IFIT2: variants seen among roughly 807,000 people sequenced by gnomAD.
The protein encoded by IFIT2 is interferon-induced protein with tetratricopeptide repeats 2.
A neutral mutation model predicts 2.5 loss-of-function variants in IFIT2; 3 were observed. That is an observed-to-expected ratio of 1.21 (90% confidence interval 0.55 to 3.14). The LOEUF (loss-of-function observed/expected upper bound fraction) is 3.14, where lower values mean the gene tolerates loss of function less well. Ranked by LOEUF, IFIT2 falls within the 30% of genes most tolerant of loss-of-function variation. The pLI is 0.03. For missense variants in IFIT2, 493 were observed against 558.9 expected, an observed-to-expected ratio of 0.88 and a Z score of 1.19; for synonymous variants, 212 against 200.7, an observed-to-expected ratio of 1.06 and a Z score of -0.48.
intron 1 of IFIT2, among the ~76,000 whole-genome samples, chr10:89,302,888 C>T (rs1053866040): frequency 6.6e-6 from 1 of 152,030 alleles, no homozygotes; most frequent in Admixed American, 6.6e-5. Context: ...CTCTGGAATC[C>T]CGTGTTACCA....
At chr10:89,304,328 G>A (rs902777524) in intron 1 of IFIT2, among the ~76,000 whole-genome samples, 7 of 152,066 alleles carry the variant, frequency 4.6e-5, no homozygotes, top group African/African-American at 7.2e-5. Context: ...ATGCATTCCC[G>A]TTGAAAAGCT....
Position 89,308,582 on chromosome 10 carries a change from T to A in IFIT2, c.*1207T>A, listed in dbSNP as rs2133524190. On this transcript the variant is annotated 3_prime_UTR_variant, in exon 2 of 2. Coordinates refer to ENST00000371826, the MANE Select transcript of IFIT2 (RefSeq NM_001547.5). ...CGGTATGCTTGGAACGATTGAGATT[T>A]TCTAGGTAGATGCTGAATAGCCTAG... is the stretch of plus-strand genomic sequence containing the variant. 1 of 152,336 alleles carries A rather than the reference T, an allele frequency of 6.6e-6. No individual in the cohort carries two copies. Among genetic ancestry groups the A allele is most frequent in the African/African-American group, 2.4e-5 (1 of 41,574 alleles). The allele number at this position is 152,336 out of a possible 1,614,324, so 9.4% of individuals were successfully genotyped here.
At chr10:89,303,009 CAA>C (rs11420925) in intron 1 of IFIT2, among the ~76,000 whole-genome samples, 40 of 132,112 alleles carry the variant, frequency 3.0e-4, no homozygotes, top group Middle Eastern at 3.8e-3. Flanking sequence ...TGCCTGATTT[CAA>C]AAAAAAAAAA....
intron 1 of IFIT2, among the ~76,000 whole-genome samples, chr10:89,302,683 G>C (rs1159474821): frequency 6.6e-6 from 1 of 152,136 alleles, no homozygotes. Context: ...ACCCCAAAAT[G>C]CCTCCTGAGT....
At chr10:89,305,454 A>C (rs1012202628) in intron 1 of IFIT2, among the ~76,000 whole-genome samples, 2 of 152,206 alleles carry the variant, frequency 1.3e-5, no homozygotes, top group African/African-American at 4.8e-5. Flanking sequence ...GGAATTAAGA[A>C]TATCAAAGAT....
chr10:89,307,408 C>G lies in IFIT2; in HGVS notation c.*33C>G, dbSNP rs200809128. Reference sequence around the variant, plus strand: ...AGATGTGGTGCCCACTAGGCTACTGCTGAAAGGGAGCTGAAATTCCTCCAC... The same window carrying G: ...AGATGTGGTGCCCACTAGGCTACTGGTGAAAGGGAGCTGAAATTCCTCCAC... On this transcript the variant is annotated 3_prime_UTR_variant, in exon 2 of 2. Transcript: ENST00000371826. The G allele has an allele frequency of 6.6e-7, 1 of 1,510,102 alleles. No individual in the cohort carries two copies. The highest frequency in any genetic ancestry group is 2.1e-5 in the Admixed American group (1 of 47,166). The allele number at this position is 1,510,102 out of a possible 1,614,324, so 93.5% of individuals were successfully genotyped here.
chr10:89,303,315 G>A (rs969773039), intron 1 of IFIT2, among the ~76,000 whole-genome samples: 2 of 152,224 alleles, frequency 1.3e-5, no homozygotes, highest in Non-Finnish European at 2.9e-5. Flanking sequence ...CATTAAGTGG[G>A]TCTGGGTTAG....
At position 89,308,268 on chromosome 10, in the gene IFIT2, T is replaced by C. The variant is rs147170118; in HGVS notation, c.*893T>C. 2.4e-4 allele frequency: 37 copies of C among 152,258 alleles called. 1 individual carries two copies. In the East Asian group the frequency reaches 6.0e-3, roughly 25 times the overall value. 9.4% of individuals were successfully genotyped at this position (152,258 alleles called of 1,614,324 possible). ...AGAAAGGAATGCTGGTTTATCTTTGTAGATTGTAATCGAATGGAGAAATTT... is the reference window on the plus strand; with the variant it reads ...AGAAAGGAATGCTGGTTTATCTTTGCAGATTGTAATCGAATGGAGAAATTT... On this transcript the variant is annotated 3_prime_UTR_variant, in exon 2 of 2. Transcript: ENST00000371826.
Position 89,308,299 on chromosome 10 carries a change from A to C in IFIT2, c.*924A>C, listed in dbSNP as rs1843495952. The stretch of plus-strand genomic sequence containing the variant: ...GTAATCGAATGGAGAAATTTGCAGT[A>C]TTTTAGCCACTATTAGGAATTTTTT... On this transcript the variant is annotated 3_prime_UTR_variant, in exon 2 of 2. Coordinates refer to ENST00000371826, the MANE Select transcript of IFIT2 (RefSeq NM_001547.5). 1 of 152,168 alleles carries C rather than the reference A, an allele frequency of 6.6e-6. No homozygotes were observed. The highest frequency in any genetic ancestry group is 2.4e-5 in the African/African-American group (1 of 41,436). 9.4% of individuals were successfully genotyped at this position (152,168 alleles called of 1,614,324 possible).
intron 1 of IFIT2, among the ~76,000 whole-genome samples, chr10:89,302,921 A>G (rs1457236516): frequency 2.0e-5 from 3 of 151,800 alleles, no homozygotes; most frequent in Non-Finnish European, 4.4e-5. Flanking sequence ...ACTTCCTATG[A>G]GACACCTTGC....
In IFIT2 at chr10:89,307,248, A is replaced by G; in HGVS notation, c.1292A>G (p.Glu431Gly). ...MRLSKNGADS[E>G]ALHVLAFLQE... Reference sequence around the variant, plus strand: ...CTTTCTAAAAATGGAGCAGATTCTGAGGCTTTGCATGTCTTGGCATTCCTT... The same window carrying G: ...CTTTCTAAAAATGGAGCAGATTCTGGGGCTTTGCATGTCTTGGCATTCCTT... The change falls in exon 2 of 2, where the codon GAG (glutamate) becomes GGG (glycine). Residue 431 changes from glutamate (E) to glycine (G), a missense_variant. Glu to Gly is a moderately conservative substitution (Grantham distance 98). Coordinates refer to ENST00000371826, the MANE Select transcript of IFIT2 (RefSeq NM_001547.5). 1 of 1,614,096 alleles carries G rather than the reference A, an allele frequency of 6.2e-7. No individual in the cohort carries two copies. Among genetic ancestry groups the G allele is most frequent in the Middle Eastern group, 1.6e-4 (1 of 6,062 alleles).
Position 89,306,245 on chromosome 10 carries a change from T to G in IFIT2, c.289T>G (p.Trp97Gly), listed in dbSNP as rs1490935213. ...GGCAGAAATCAGAAGTCTGGTCACC[T>G]GGGGAAACTATGCCTGGGTCTACTA... ...DQAEIRSLVT[W>G]GNYAWVYYHM... is the part of the protein sequence containing the mutation. The change falls in exon 2 of 2, where the codon TGG (tryptophan) becomes GGG (glycine). Residue 97 changes from tryptophan (W) to glycine (G), a missense_variant. Physicochemically the swap from Trp to Gly is radical, Grantham distance 184. Transcript: ENST00000371826. 6.2e-7 allele frequency: 1 copy of G among 1,614,126 alleles called. No individual in the cohort carries two copies.
At chr10:89,305,248 T>C (rs7923948) in intron 1 of IFIT2, among the ~76,000 whole-genome samples, 4,179 of 151,922 alleles carry the variant, frequency 0.028, 215 homozygotes, top group African/African-American at 0.095. Flanking sequence ...ATTCAAATGG[T>C]TAAAATGGAA....
chr10:89,306,834 C>A lies in IFIT2; in HGVS notation c.878C>A (p.Ala293Glu). ...TGCCAAATTGGGTGCTGCTATAGGG[C>A]AAAAGTCTTCCAAGTAATGAATCTA... ...LHCQIGCCYR[A>E]KVFQVMNLRE... Residue 293 changes from alanine to glutamate, a missense_variant, in exon 2 of 2, where the codon GCA becomes GAA. Ala to Glu is a moderately radical substitution (Grantham distance 107, BLOSUM62 -1). Transcript: ENST00000371826. The A allele has an allele frequency of 6.2e-7, 1 of 1,614,006 alleles. No individual in the cohort carries two copies. Among genetic ancestry groups the A allele is most frequent in the South Asian group, 1.1e-5 (1 of 91,076 alleles).
In IFIT2 at chr10:89,307,328, G is replaced by C. The variant is rs1372316957; in HGVS notation, c.1372G>C (p.Glu458Gln). ...QADEDSERGL[E>Q]SGSLIPSASS... ...AGATGAAGACTCTGAGAGGGGTTTGGAGTCTGGAAGCCTCATCCCTTCAGC... is the reference window on the plus strand; with the variant it reads ...AGATGAAGACTCTGAGAGGGGTTTGCAGTCTGGAAGCCTCATCCCTTCAGC... Residue 458 changes from glutamate (E) to glutamine (Q), a missense_variant, in exon 2 of 2, where the codon GAG (glutamate) becomes CAG (glutamine). Coordinates refer to ENST00000371826, the MANE Select transcript of IFIT2 (RefSeq NM_001547.5). 1.2e-6 allele frequency: 2 copies of C among 1,612,374 alleles called. No homozygotes were observed. The highest frequency in any genetic ancestry group is 1.7e-6 in the Non-Finnish European group (2 of 1,178,716).
chr10:89,305,374 T>C (rs1408995962), intron 1 of IFIT2, among the ~76,000 whole-genome samples: 2 of 152,076 alleles, frequency 1.3e-5, no homozygotes, highest in Non-Finnish European at 2.9e-5. Flanking sequence ...GAAGGATATA[T>C]TAAAAGCTGA....
rs763932752 is a variant in IFIT2 at position 89,306,572 on chromosome 10, C to A, written c.616C>A (p.Pro206Thr). 20 of 1,614,118 alleles carry A rather than the reference C, an allele frequency of 1.2e-5. No homozygotes were observed. The highest frequency in any genetic ancestry group is 1.3e-5 in the Non-Finnish European group (15 of 1,179,974). The change falls in exon 2 of 2, where the codon CCT becomes ACT. Residue 206 changes from proline (P) to threonine (T), a missense_variant. Coordinates refer to ENST00000371826, the MANE Select transcript of IFIT2 (RefSeq NM_001547.5). ...TCTGAGGCAAGCCATTCGGCTGAAT[C>A]CTGACAACCAGTACCTTAAAGTCCT... The part of the protein sequence containing the change: ...DPLRQAIRLN[P>T]DNQYLKVLLA...
rs1194984552 is a variant in IFIT2, at chr10:89,306,521, C to T, written c.565C>T (p.Pro189Ser). Residue 189 changes from proline (P) to serine (S), a missense_variant, in exon 2 of 2, where the codon CCA becomes TCA. Coordinates refer to ENST00000371826, the MANE Select transcript of IFIT2 (RefSeq NM_001547.5). ...AGCAAGCTACCGTCTGGACAACTGGCCACCATCTCAGAACGCCATTGACCC... is the reference window on the plus strand; with the variant it reads ...AGCAAGCTACCGTCTGGACAACTGGTCACCATCTCAGAACGCCATTGACCC... The part of the protein sequence containing the change: ...AIASYRLDNW[P>S]PSQNAIDPLR... 12 of 1,614,050 alleles carry T rather than the reference C, an allele frequency of 7.4e-6. No individual in the cohort carries two copies. Among genetic ancestry groups the T allele is most frequent in the Non-Finnish European group, 1.0e-5 (12 of 1,179,972 alleles).
At position 89,306,703 on chromosome 10, in the gene IFIT2, T is replaced by A. The variant is rs954439; in HGVS notation, c.747T>A (p.Val249=). The part of the protein sequence containing the change: ...ALEKAPGVTD[V]LRSAAKFYRR... ...AGAAAGCCCCAGGTGTAACAGATGT[T>A]CTTCGCAGTGCAGCCAAGTTTTATC... Residue 249 remains valine, a synonymous_variant, in exon 2 of 2, where the codon GTT becomes GTA. Coordinates refer to ENST00000371826, the MANE Select transcript of IFIT2 (RefSeq NM_001547.5). 819,102 of 1,613,766 alleles carry A rather than the reference T, an allele frequency of 0.51. 216,205 individuals are homozygous for A. The highest frequency in any genetic ancestry group is 0.85 in the East Asian group (37,950 of 44,876).
Sources: allele counts gnomAD v4.1 joint callset (sites outside exome capture counted in the v4.1 genomes callset), GRCh38; gene constraint gnomAD v4.1.1; transcripts MANE v1.5; gene names NCBI Gene and HGNC (gene_info 2026-07-23, HGNC 2026-07-21).